Variants in TBCCD1 observed in about 807,000 individuals in gnomAD.
TBCCD1 encodes TBCC domain-containing protein 1.
A neutral mutation model predicts 53.4 loss-of-function variants in TBCCD1; 26 were observed. That is an observed-to-expected ratio of 0.49 (90% CI 0.36 to 0.68). The LOEUF (loss-of-function observed/expected upper bound fraction) is 0.68. TBCCD1 is among the 30% of genes least tolerant of loss of function. TBCCD1 has a pLI of 0.00. For synonymous variants in TBCCD1, 245 were observed against 241.7 expected, an observed-to-expected ratio of 1.01 and a Z score of -0.13; for missense variants, 558 against 669.5, an observed-to-expected ratio of 0.83 and a Z score of 1.84.
intron 7 of TBCCD1, among the ~76,000 whole-genome samples, chr3:186,548,868 C>A (rs1040736209): frequency 2.0e-5 from 3 of 151,998 alleles, no homozygotes; most frequent in African/African-American, 7.2e-5. Flanking sequence ...GTTCTCACTG[C>A]AAAAATGACA....
upstream of TBCCD1, among the ~76,000 whole-genome samples, chr3:186,569,267 C>T (rs1460338429): frequency 6.6e-6 from 1 of 151,852 alleles, no homozygotes; most frequent in Non-Finnish European, 1.5e-5. Context: ...AGAGCCATTC[C>T]AGGCTTTTAA....
chr3:186,569,336 T>A (rs1039350653), upstream of TBCCD1, among the ~76,000 whole-genome samples: 10 of 97,042 alleles, frequency 1.0e-4, no homozygotes, highest in East Asian at 2.5e-4. Context: ...TTATTTATTT[T>A]GAAACGGTGT....
intron 7 of TBCCD1, among the ~76,000 whole-genome samples, chr3:186,547,757 C>T (rs908821442): frequency 6.6e-6 from 1 of 151,972 alleles, no homozygotes; most frequent in Non-Finnish European, 1.5e-5. Context: ...CAGGCACCTG[C>T]CACCACGCCC....
intron 3 of TBCCD1, 99 bp downstream of exon 3, chr3:186,558,318 G>A: frequency 7.1e-7 from 1 of 1,402,960 alleles, no homozygotes; most frequent in Non-Finnish European, 9.7e-7. Flanking sequence ...TCAAATCACT[G>A]GCTTATGTAA....
chr3:186,560,950 C>A lies in TBCCD1; in HGVS notation c.337-2378G>T, dbSNP rs191499788. Among the ~76,000 whole-genome samples the A allele has an allele frequency of 2.0e-5, 3 of 152,236 alleles. No homozygotes were observed. The East Asian group carries it at 5.8e-4, about 29-fold the overall frequency. On this transcript the variant is annotated intron_variant, in intron 2 of 7. Transcript: ENST00000338733. Reference sequence around the variant, plus strand: ...CAAAAGAATGAAATTGGGACCATAGCTTATACCATACACAATCAACTCAAA... The same window carrying A: ...CAAAAGAATGAAATTGGGACCATAGATTATACCATACACAATCAACTCAAA...
intron 2 of TBCCD1, among the ~76,000 whole-genome samples, chr3:186,560,232 A>G (rs564275181): frequency 6.6e-6 from 1 of 152,208 alleles, no homozygotes; most frequent in East Asian, 1.9e-4. Flanking sequence ...AACTTCCTGA[A>G]GGTTTTATTC....
chr3:186,553,406 TG>T (rs1211842814), intron 6 of TBCCD1: 1 of 152,180 alleles, frequency 6.6e-6, no homozygotes, highest in African/African-American at 2.4e-5. Flanking sequence ...ATGTTATTAT[TG>T]TACAGTATGA....
chr3:186,567,896 T>A (rs375064735), upstream of TBCCD1, among the ~76,000 whole-genome samples: 2 of 152,328 alleles, frequency 1.3e-5, no homozygotes, highest in East Asian at 3.9e-4. Context: ...TCTGTTAGCT[T>A]TCCTGCCGTG....
intron 2 of TBCCD1, among the ~76,000 whole-genome samples, chr3:186,561,445 A>T (rs1219807065): frequency 2.0e-5 from 3 of 152,240 alleles, no homozygotes; most frequent in African/African-American, 7.2e-5. Flanking sequence ...GGATGTGAAG[A>T]AAAGGGAACC....
chr3:186,547,066 T>C, intron 7 of TBCCD1, 111 bp from the exon 8 acceptor site: 2 of 152,286 alleles, frequency 1.3e-5, no homozygotes, highest in East Asian at 3.9e-4. Flanking sequence ...GGTCAAATGA[T>C]AGATTAGAGT....
chr3:186,548,242 A>T (rs534464202), intron 7 of TBCCD1, among the ~76,000 whole-genome samples: 1 of 152,342 alleles, frequency 6.6e-6, no homozygotes, highest in South Asian at 2.1e-4. Flanking sequence ...TGAAAACACT[A>T]CACTAACTGA....
upstream of TBCCD1, among the ~76,000 whole-genome samples, chr3:186,568,148 G>A (rs889886068): frequency 1.1e-4 from 17 of 152,088 alleles, no homozygotes; most frequent in Non-Finnish European, 2.5e-4. Context: ...CACATACCTG[G>A]GTTAGGATCC....
chr3:186,554,774 T>C, intron 5 of TBCCD1, 23 bp from the exon 6 acceptor site: 1 of 1,599,546 alleles, frequency 6.3e-7, no homozygotes, highest in South Asian at 1.1e-5. Context: ...AAAAATGAGG[T>C]AAAGTCCTCT....
upstream of TBCCD1, chr3:186,567,354 C>G (rs1286664114): frequency 6.6e-6 from 1 of 152,482 alleles, no homozygotes; most frequent in Non-Finnish European, 1.5e-5. Flanking sequence ...CACCCTCCTC[C>G]GCGCGCCGCT....
rs201210321 is a variant in TBCCD1, at chr3:186,547,809, G to A, written c.*22-854C>T. ...TTTTTAGTAGAGACAGGGTTTCACTGTATTAGCCAGGATGGTCTTGATCTC... is the reference window on the plus strand; with the variant it reads ...TTTTTAGTAGAGACAGGGTTTCACTATATTAGCCAGGATGGTCTTGATCTC... On this transcript the variant is annotated intron_variant, in intron 7 of 7. Transcript: ENST00000338733. Among the ~76,000 whole-genome samples the A allele has an allele frequency of 2.6e-5, 4 of 151,720 alleles. No individual in the cohort carries two copies. In the East Asian group the frequency reaches 5.8e-4, roughly 22 times the overall value.
chr3:186,549,904 C>G (rs1479461857), intron 7 of TBCCD1, among the ~76,000 whole-genome samples: 1 of 152,038 alleles, frequency 6.6e-6, no homozygotes, highest in Non-Finnish European at 1.5e-5. Flanking sequence ...CTATTATTGT[C>G]CTTTGTCTGT....
chr3:186,557,673 G>T (rs181369538), intron 3 of TBCCD1, among the ~76,000 whole-genome samples: 1 of 152,152 alleles, frequency 6.6e-6, no homozygotes, highest in Non-Finnish European at 1.5e-5. Flanking sequence ...AGGGCCAGGG[G>T]AGAGAAATTT....
chr3:186,551,422 T>A, intron 6 of TBCCD1, 143 bp from the exon 7 acceptor site: 1 of 813,172 alleles, frequency 1.2e-6, no homozygotes, highest in Non-Finnish European at 1.9e-6. Flanking sequence ...CTGTTCAGAG[T>A]ACACTGGACA....
At chr3:186,562,104 G>A (rs1714706323) in intron 2 of TBCCD1, among the ~76,000 whole-genome samples, 1 of 152,180 alleles carries the variant, frequency 6.6e-6, no homozygotes. Context: ...CACTTTGGGA[G>A]GCTGAGGTGG....
Sources: gnomAD v4.1 joint callset for allele counts (sites outside exome capture counted in the v4.1 genomes callset) on GRCh38, gnomAD v4.1.1 for gene constraint, MANE v1.5 for transcripts, NCBI Gene and HGNC (gene_info 2026-07-23, HGNC 2026-07-21) for gene names.